GRM8: variants seen among roughly 807,000 people sequenced by gnomAD.
The protein encoded by GRM8 is glutamate metabotropic receptor 8.
GRM8 carries 47 observed loss-of-function variants against 87.2 expected under a neutral mutation model. That is an observed-to-expected ratio of 0.54 (90% CI 0.43 to 0.69). The LOEUF is 0.69. Among genes scored for constraint, GRM8 ranks in the 30% least tolerant of loss-of-function variants. The pLI is 0.00. For missense variants in GRM8, 1,019 were observed against 1,139.2 expected (o/e 0.89, Z 1.52); for synonymous variants, 396 against 404.5 (o/e 0.98, Z 0.25).
intron 2 of GRM8, among the ~76,000 whole-genome samples, chr7:127,223,454 C>A (rs1388148813): frequency 4.9e-5 from 2 of 40,778 alleles, no homozygotes; most frequent in African/African-American, 8.7e-4. Context: ...CACACACACA[C>A]ACACACACAC....
chr7:126,513,630 C>A (rs187401478), intron 9 of GRM8, among the ~76,000 whole-genome samples: 1 of 152,260 alleles, frequency 6.6e-6, no homozygotes, highest in Non-Finnish European at 1.5e-5. Flanking sequence ...CATGTTGACA[C>A]AGCATACATT....
chr7:127,106,820 A>G (rs1587028249), intron 2 of GRM8, 108 bp from the exon 3 acceptor site: 1 of 743,676 alleles, frequency 1.3e-6, no homozygotes, highest in East Asian at 2.6e-5. Context: ...AGACATATCA[A>G]CCTGAAGCCA....
At position 126,651,126 on chromosome 7, in the gene GRM8, ATGCT is replaced by A. The variant is rs369465990; in HGVS notation, c.1358-41632_1358-41629del. 6.1e-3 allele frequency among the ~76,000 whole-genome samples: 923 copies of A among 152,222 alleles called. 7 individuals carry two copies. The highest frequency in any genetic ancestry group is 9.7e-3 in the Non-Finnish European group (660 of 68,012). ...TATGAGTTTGCCTGTCCTGCACACA[ATGCT>A]TCTGCCAAGACTACCATCCATGGAC... On this transcript the variant is annotated intron_variant, in intron 7 of 10. Coordinates refer to ENST00000339582, the MANE Select transcript of GRM8 (RefSeq NM_000845.3).
chr7:127,170,299 T>TA (rs1261043979), intron 2 of GRM8, among the ~76,000 whole-genome samples: 1 of 152,120 alleles, frequency 6.6e-6, no homozygotes, highest in Non-Finnish European at 1.5e-5. Context: ...GACACCAACT[T>TA]ACTCCTGCAA....
At chr7:127,174,578 C>G (rs1563558370) in intron 2 of GRM8, among the ~76,000 whole-genome samples, 1 of 152,136 alleles carries the variant, frequency 6.6e-6, no homozygotes, top group Middle Eastern at 3.2e-3. Flanking sequence ...TTCTTAGTCA[C>G]AATAGAAGGC....
intron 9 of GRM8, among the ~76,000 whole-genome samples, chr7:126,528,795 G>T (rs2299457): frequency 6.6e-6 from 1 of 151,722 alleles, no homozygotes; most frequent in Non-Finnish European, 1.5e-5. Context: ...TGTCCAGGGG[G>T]AACTCATTAC....
intron 2 of GRM8, among the ~76,000 whole-genome samples, chr7:127,225,362 T>C (rs185872057): frequency 1.2e-3 from 179 of 152,302 alleles, no homozygotes; most frequent in Non-Finnish European, 2.2e-3. Context: ...TGGCTCCTTG[T>C]CAAGGCTCAG....
intron 8 of GRM8, among the ~76,000 whole-genome samples, chr7:126,550,633 A>G (rs1018803671): frequency 6.6e-6 from 1 of 152,150 alleles, no homozygotes; most frequent in Non-Finnish European, 1.5e-5. Context: ...AAAGATAATG[A>G]GAAAGCTGCA....
At chr7:126,588,673 T>C (rs1405616786) in intron 8 of GRM8, among the ~76,000 whole-genome samples, 1 of 151,954 alleles carries the variant, frequency 6.6e-6, no homozygotes, top group Non-Finnish European at 1.5e-5. Context: ...GAGCAGCATG[T>C]GGAGATACAT....
At chr7:126,559,855 AC>A (rs1255048918) in intron 8 of GRM8, among the ~76,000 whole-genome samples, 1 of 148,564 alleles carries the variant, frequency 6.7e-6, no homozygotes, top group African/African-American at 2.6e-5. Context: ...TTTGAAACTC[AC>A]CCATGTCTCC....
chr7:126,731,629 C>T (rs1302174749), intron 7 of GRM8, among the ~76,000 whole-genome samples: 1 of 152,018 alleles, frequency 6.6e-6, no homozygotes, highest in Non-Finnish European at 1.5e-5. Flanking sequence ...TTAATATATT[C>T]CCATATTCCA....
chr7:126,916,067 C>A (rs1007595016), intron 3 of GRM8, among the ~76,000 whole-genome samples: 7 of 152,190 alleles, frequency 4.6e-5, no homozygotes, highest in Admixed American at 3.9e-4. Flanking sequence ...CTAACTCCTT[C>A]TAAATGCTCA....
intron 9 of GRM8, among the ~76,000 whole-genome samples, chr7:126,455,892 C>T (rs759860250): frequency 5.3e-5 from 8 of 151,300 alleles, no homozygotes; most frequent in Non-Finnish European, 8.9e-5. Context: ...AGAATCAAGA[C>T]ACCTTACAAA....
chr7:126,586,993 A>C (rs1391217867), intron 8 of GRM8, among the ~76,000 whole-genome samples: 1 of 152,206 alleles, frequency 6.6e-6, no homozygotes, highest in African/African-American at 2.4e-5. Flanking sequence ...AAAAAAAACC[A>C]AGCCCATCAA....
intron 7 of GRM8, among the ~76,000 whole-genome samples, chr7:126,719,588 A>G (rs531794407): frequency 1.3e-5 from 2 of 152,192 alleles, no homozygotes; most frequent in African/African-American, 2.4e-5. Flanking sequence ...AAAAATAACA[A>G]TGAAGGGCCA....
chr7:126,593,564 T>C (rs575419330), intron 8 of GRM8, among the ~76,000 whole-genome samples: 8 of 151,990 alleles, frequency 5.3e-5, no homozygotes, highest in Admixed American at 1.3e-4. Flanking sequence ...AGAATAAATT[T>C]AGGTAATTTT....
Position 126,484,881 on chromosome 7 carries a change from T to TA in GRM8, c.2431-38510_2431-38509insT, listed in dbSNP as rs1807171626. Among the ~76,000 whole-genome samples, 3 of 117,208 alleles carry TA rather than the reference T, an allele frequency of 2.6e-5. No individual in the cohort carries two copies. In the Admixed American group the frequency reaches 2.6e-4, roughly 10 times the overall value. 76.9% of individuals were successfully genotyped at this position (117,208 alleles called of 152,430 possible). A position where few individuals can be genotyped will look rare whatever the true frequency, so the allele number is the denominator to read the frequency against. On this transcript the variant is annotated intron_variant, in intron 9 of 10. Transcript: ENST00000339582. The stretch of plus-strand genomic sequence containing the variant: ...CATGGATCTATCGTTAAACGTTTTT[T>TA]GTTTTTTTTTTTGAAAACTTTTTAT...
chr7:126,443,057 T>A (rs1013089777), intron 10 of GRM8, among the ~76,000 whole-genome samples: 3 of 152,044 alleles, frequency 2.0e-5, no homozygotes, highest in Non-Finnish European at 4.4e-5. Context: ...AAATCAGTTT[T>A]TGAGCACAGC....
chr7:127,165,808 T>C (rs563097252), intron 2 of GRM8, among the ~76,000 whole-genome samples: 1 of 152,268 alleles, frequency 6.6e-6, no homozygotes, highest in Non-Finnish European at 1.5e-5. Context: ...CTCTTCTTTA[T>C]TCTCTTTGCT....
Sources: gnomAD v4.1 joint callset for allele counts (sites outside exome capture counted in the v4.1 genomes callset) on GRCh38, gnomAD v4.1.1 for gene constraint, MANE v1.5 for transcripts, NCBI Gene and HGNC (gene_info 2026-07-23, HGNC 2026-07-21) for gene names.